ADCY2: variants seen among roughly 807,000 people sequenced by gnomAD.
ADCY2 encodes adenylate cyclase 2, also known as adenylate cyclase type 2.
In ADCY2, 31 loss-of-function variants were observed where a neutral mutation model predicts 125.2. That is an observed-to-expected ratio of 0.25 (90% CI 0.19 to 0.33). ADCY2 has a LOEUF of 0.33. Among genes scored for constraint, ADCY2 ranks in the 10% least tolerant of loss-of-function variants. The pLI is 1.00. For synonymous variants in ADCY2, 512 were observed against 548.4 expected, an observed-to-expected ratio of 0.93 and a Z score of 0.93; for missense variants, 904 against 1,418.2, an observed-to-expected ratio of 0.64 and a Z score of 5.82.
chr5:7,510,314 G>A (rs1300897443), intron 2 of ADCY2, among the ~76,000 whole-genome samples: 1 of 152,180 alleles, frequency 6.6e-6, no homozygotes, highest in Non-Finnish European at 1.5e-5. Flanking sequence ...AGAACTGCAT[G>A]GCAGAGCTGA....
chr5:7,594,053 T>C (rs1477796702), intron 3 of ADCY2, among the ~76,000 whole-genome samples: 1 of 152,032 alleles, frequency 6.6e-6, no homozygotes, highest in Non-Finnish European at 1.5e-5. Flanking sequence ...GCTTGGGAAG[T>C]GTGTTAAAGG....
chr5:7,488,049 G>C (rs1187578517), intron 2 of ADCY2, among the ~76,000 whole-genome samples: 1 of 152,168 alleles, frequency 6.6e-6, no homozygotes, highest in Non-Finnish European at 1.5e-5. Flanking sequence ...AAGTAACCAA[G>C]TGGTCTTGTG....
chr5:7,779,583 C>CTG (rs1743850844), intron 18 of ADCY2, among the ~76,000 whole-genome samples: 1 of 152,114 alleles, frequency 6.6e-6, no homozygotes, highest in African/African-American at 2.4e-5. Context: ...AACCCCCCCC[C>CTG]CAACACACAC....
intron 4 of ADCY2, among the ~76,000 whole-genome samples, chr5:7,637,186 G>A (rs1738537626): frequency 6.6e-6 from 1 of 152,046 alleles, no homozygotes; most frequent in African/African-American, 2.4e-5. Context: ...GGCAACAGTT[G>A]GGGCCGGGTG....
At position 7,773,039 on chromosome 5, in the gene ADCY2, C is replaced by T; in HGVS notation, c.2322C>T (p.Asn774=). The T allele has an allele frequency of 6.2e-7, 1 of 1,614,168 alleles. No homozygotes were observed. Among genetic ancestry groups the T allele is most frequent in the Non-Finnish European group, 8.5e-7 (1 of 1,180,028 alleles). ...LIMMVALVGY[N]TILLHTHAHV... ...TGATGGTGGCCTTGGTGGGCTACAA[C>T]ACCATCCTACTCCACACCCACGCCC... Residue 774 remains asparagine, a synonymous_variant, in exon 18 of 25, where the codon AAC becomes AAT. Coordinates refer to ENST00000338316, the MANE Select transcript of ADCY2 (RefSeq NM_020546.3).
At chr5:7,750,150 C>A (rs1032587726) in intron 15 of ADCY2, among the ~76,000 whole-genome samples, 2 of 152,044 alleles carry the variant, frequency 1.3e-5, no homozygotes, top group Non-Finnish European at 2.9e-5. Flanking sequence ...TCTTTTAAAA[C>A]CCAATTTGTA....
chr5:7,705,657 T>C (rs757053781), intron 7 of ADCY2, among the ~76,000 whole-genome samples: 13 of 152,048 alleles, frequency 8.5e-5, no homozygotes, highest in Non-Finnish European at 1.5e-4. Context: ...CTCTGGCTCG[T>C]TTTGTGGGGC....
At chr5:7,574,749 A>C (rs888992146) in intron 3 of ADCY2, among the ~76,000 whole-genome samples, 2 of 152,198 alleles carry the variant, frequency 1.3e-5, no homozygotes, top group African/African-American at 4.8e-5. Context: ...CATGGAGGAC[A>C]TCCTTTGAGT....
chr5:7,411,991 C>T (rs972349816), intron 1 of ADCY2, among the ~76,000 whole-genome samples: 7 of 151,780 alleles, frequency 4.6e-5, no homozygotes, highest in Admixed American at 6.6e-5. Context: ...AGGAGAATGG[C>T]GTGAACCCAG....
intron 2 of ADCY2, among the ~76,000 whole-genome samples, chr5:7,483,987 T>A (rs1390189668): frequency 6.6e-6 from 1 of 152,216 alleles, no homozygotes; most frequent in African/African-American, 2.4e-5. Context: ...TACTATCTCA[T>A]CATCAGTTAA....
intron 14 of ADCY2, among the ~76,000 whole-genome samples, chr5:7,733,001 C>A (rs1049509060): frequency 1.3e-5 from 2 of 152,138 alleles, no homozygotes; most frequent in Non-Finnish European, 2.9e-5. Flanking sequence ...CTTCAAAGAC[C>A]AAAAATGATC....
intron 2 of ADCY2, among the ~76,000 whole-genome samples, chr5:7,508,378 G>C (rs1005751313): frequency 1.3e-5 from 2 of 152,060 alleles, no homozygotes; most frequent in African/African-American, 4.8e-5. Flanking sequence ...TCTTCAGGTC[G>C]GCTGAGTTTG....
At chr5:7,663,230 C>G (rs1398620451) in intron 4 of ADCY2, among the ~76,000 whole-genome samples, 2 of 152,134 alleles carry the variant, frequency 1.3e-5, no homozygotes, top group East Asian at 3.8e-4. Flanking sequence ...TTTAGCCACA[C>G]CAAAAAAAAG....
rs780323161 is a variant in ADCY2, at chr5:7,789,593, C to G, written c.2470-49C>G. ...TCTCTTTAAAACCTCCACTCTCTGG[C>G]AGGACAAGATGCCTATTGTTTCTTT... On this transcript the variant is annotated intron_variant, in intron 19 of 24. Transcript: ENST00000338316. 8 of 1,549,744 alleles carry G rather than the reference C, an allele frequency of 5.2e-6. No homozygotes were observed. The Admixed American group carries it at 1.2e-4, about 22-fold the overall frequency.
intron 4 of ADCY2, among the ~76,000 whole-genome samples, chr5:7,628,758 A>C (rs925885879): frequency 1.3e-5 from 2 of 151,866 alleles, no homozygotes; most frequent in Admixed American, 1.3e-4. Context: ...GTCTACGATG[A>C]GATGTGTTTG....
intron 24 of ADCY2, among the ~76,000 whole-genome samples, chr5:7,823,931 C>T (rs1158702140): frequency 6.6e-6 from 1 of 152,184 alleles, no homozygotes; most frequent in East Asian, 1.9e-4. Flanking sequence ...TCCATGACCT[C>T]TGATCCCTGG....
intron 3 of ADCY2, among the ~76,000 whole-genome samples, chr5:7,538,257 CA>C (rs1734885551): frequency 6.6e-6 from 1 of 152,046 alleles, no homozygotes; most frequent in Non-Finnish European, 1.5e-5. Flanking sequence ...ATTTTGGAGC[CA>C]GGAAGACTTG....
intron 4 of ADCY2, among the ~76,000 whole-genome samples, chr5:7,643,430 T>A (rs1379164132): frequency 6.6e-6 from 1 of 152,130 alleles, no homozygotes; most frequent in Non-Finnish European, 1.5e-5. Context: ...TTTTTTGTTT[T>A]CATCCCCTGA....
chr5:7,399,859 A>T (rs1022964562), intron 1 of ADCY2, among the ~76,000 whole-genome samples: 1 of 152,266 alleles, frequency 6.6e-6, no homozygotes, highest in Non-Finnish European at 1.5e-5. Context: ...CTGGCATCAG[A>T]AAACTTAGAG....
Sources: gnomAD v4.1 joint callset for allele counts (sites outside exome capture counted in the v4.1 genomes callset) on GRCh38, gnomAD v4.1.1 for gene constraint, MANE v1.5 for transcripts, NCBI Gene and HGNC (gene_info 2026-07-23, HGNC 2026-07-21) for gene names.